The following PRDM5 variants were observed in gnomAD, a reference collection of about 807,000 sequenced individuals.
PRDM5 encodes the protein PR domain zinc finger protein 5.
PRDM5 carries 56 observed loss-of-function variants against 81.2 expected under a neutral mutation model. The observed-to-expected ratio is 0.69, with a 90% CI of 0.56 to 0.86. The LOEUF is 0.86. Ranked by LOEUF, PRDM5 falls within the 40% of genes least tolerant of loss-of-function variation. The pLI is 0.00. For synonymous variants in PRDM5, 267 were observed against 256.4 expected (o/e 1.04, Z -0.39); for missense variants, 697 against 770.1 (o/e 0.91, Z 1.12).
chr4:120,807,352 C>T (rs775960244), intron 8 of PRDM5, among the ~76,000 whole-genome samples: 5 of 152,206 alleles, frequency 3.3e-5, no homozygotes, highest in African/African-American at 7.2e-5. Flanking sequence ...TGGGTATATA[C>T]CATTACTGGG....
At chr4:120,849,172 A>G (rs1758980691) in intron 3 of PRDM5, among the ~76,000 whole-genome samples, 1 of 152,160 alleles carries the variant, frequency 6.6e-6, no homozygotes, top group Non-Finnish European at 1.5e-5. Flanking sequence ...TGTTACTCCT[A>G]TGGATCTTGG....
At chr4:120,775,263 C>A (rs1481337349) in intron 13 of PRDM5, among the ~76,000 whole-genome samples, 1 of 151,934 alleles carries the variant, frequency 6.6e-6, no homozygotes, top group African/African-American at 2.4e-5. Flanking sequence ...AAAACCATGA[C>A]ATATATTTAA....
chr4:120,737,403 G>A (rs1741276808), intron 14 of PRDM5, among the ~76,000 whole-genome samples: 1 of 152,158 alleles, frequency 6.6e-6, no homozygotes, highest in African/African-American at 2.4e-5. Context: ...AACAAGGAAG[G>A]GCAACTGAGA....
At chr4:120,840,215 G>A (rs774438225) in intron 3 of PRDM5, among the ~76,000 whole-genome samples, 5 of 152,176 alleles carry the variant, frequency 3.3e-5, no homozygotes, top group South Asian at 2.1e-4. Flanking sequence ...GGTTCTCGCC[G>A]GGCTGGGGCC....
At chr4:120,886,758 G>C (rs1763477536) in intron 2 of PRDM5, among the ~76,000 whole-genome samples, 1 of 152,024 alleles carries the variant, frequency 6.6e-6, no homozygotes, top group East Asian at 1.9e-4. Flanking sequence ...AAGACCTGGG[G>C]AGTAAAGATA....
At chr4:120,862,133 G>C (rs576851509) in intron 2 of PRDM5, among the ~76,000 whole-genome samples, 3 of 152,218 alleles carry the variant, frequency 2.0e-5, no homozygotes, top group Admixed American at 2.0e-4. Context: ...AGTTACTAAG[G>C]TAATTCTCAT....
At chr4:120,856,089 C>A (rs1426433765) in intron 2 of PRDM5, among the ~76,000 whole-genome samples, 1 of 152,144 alleles carries the variant, frequency 6.6e-6, no homozygotes, top group Non-Finnish European at 1.5e-5. Context: ...TTTTCCCAGG[C>A]CCTTTAGCCC....
chr4:120,853,381 A>G, intron 3 of PRDM5, 37 bp downstream of exon 3: 1 of 1,613,332 alleles, frequency 6.2e-7, no homozygotes, highest in Non-Finnish European at 8.5e-7. Flanking sequence ...ATCCCCCCTC[A>G]CAGTGCATAG....
chr4:120,722,505 G>A (rs1362799043), intron 14 of PRDM5, among the ~76,000 whole-genome samples: 1 of 151,888 alleles, frequency 6.6e-6, no homozygotes, highest in African/African-American at 2.4e-5. Flanking sequence ...CCTTGATCAG[G>A]CTAAGCCTTG....
intron 15 of PRDM5, among the ~76,000 whole-genome samples, chr4:120,701,435 G>T (rs1469245122): frequency 6.6e-6 from 1 of 152,138 alleles, no homozygotes; most frequent in Non-Finnish European, 1.5e-5. Flanking sequence ...CAACCTAGGT[G>T]CCATGAACAG....
chr4:120,754,415 C>T (rs190217104), intron 14 of PRDM5, 138 bp downstream of exon 14: 6 of 518,020 alleles, frequency 1.2e-5, no homozygotes, highest in Admixed American at 3.6e-5. Flanking sequence ...AAAAAATTAT[C>T]CTGAAATATC....
At chr4:120,726,234 G>A (rs1739390063) in intron 14 of PRDM5, among the ~76,000 whole-genome samples, 1 of 152,210 alleles carries the variant, frequency 6.6e-6, no homozygotes, top group South Asian at 2.1e-4. Context: ...CTTATAAGCT[G>A]TCTAGGTTAC....
rs963192312 is a variant in PRDM5 at position 120,770,919 on chromosome 4, A to G, written c.1537+6269T>C. Among the ~76,000 whole-genome samples the G allele has an allele frequency of 2.3e-5, 3 of 128,500 alleles. No homozygotes were observed. The Admixed American group carries it at 2.4e-4, about 10-fold the overall frequency. The allele number at this position is 128,500 out of a possible 152,430, so 84.3% of individuals were successfully genotyped here. ...TTAAAACCAAACATATTTATAACAT[A>G]TAGAAATAAAAGCAGTTAATAATTT... On this transcript the variant is annotated intron_variant, in intron 13 of 15. Coordinates refer to ENST00000264808, the MANE Select transcript of PRDM5 (RefSeq NM_018699.4).
rs200986766 is a variant in PRDM5, at chr4:120,695,135, A to G, written c.1869T>C (p.Asn623=). Residue 623 remains asparagine, a synonymous_variant, in exon 16 of 16, where the codon AAT becomes AAC. Transcript: ENST00000264808. ...RNDYLKVHMD[N]IHGVADS is the part of the protein sequence containing the mutation. The stretch of plus-strand genomic sequence containing the variant: ...ATTAGCTGTCAGCTACACCATGGAT[A>G]TTGTCCATGTGCACTTTGAGGTAGT... 1.2e-5 allele frequency: 19 copies of G among 1,613,178 alleles called. No individual in the cohort carries two copies. Among genetic ancestry groups the G allele is most frequent in the Non-Finnish European group, 1.7e-6 (2 of 1,179,392 alleles).
intron 13 of PRDM5, chr4:120,762,806 C>T (rs1265338508): frequency 6.6e-6 from 1 of 152,092 alleles, no homozygotes; most frequent in Non-Finnish European, 1.5e-5. Flanking sequence ...TGGAATGTTC[C>T]CATTAATCAA....
chr4:120,899,626 G>C (rs536545567), intron 2 of PRDM5, among the ~76,000 whole-genome samples: 1 of 152,138 alleles, frequency 6.6e-6, no homozygotes, highest in South Asian at 2.1e-4. Flanking sequence ...CATGTGGTAG[G>C]GTTTCCCCCA....
chr4:120,865,462 T>C (rs536144299), intron 2 of PRDM5, among the ~76,000 whole-genome samples: 1 of 152,200 alleles, frequency 6.6e-6, no homozygotes, highest in Non-Finnish European at 1.5e-5. Flanking sequence ...TGTTCTCCTG[T>C]AGGATAATCT....
chr4:120,893,059 C>T (rs573883384), intron 2 of PRDM5, among the ~76,000 whole-genome samples: 2 of 152,260 alleles, frequency 1.3e-5, no homozygotes, highest in South Asian at 4.1e-4. Flanking sequence ...CTCCAGGACC[C>T]GAGGTTTATT....
intron 14 of PRDM5, among the ~76,000 whole-genome samples, chr4:120,727,298 T>TAA (rs1739563960): frequency 9.5e-6 from 1 of 104,982 alleles, no homozygotes; most frequent in Non-Finnish European, 2.2e-5. Context: ...AAGATGTATG[T>TAA]ATATATGTGT....
Sources: gnomAD v4.1 joint callset for allele counts (sites outside exome capture counted in the v4.1 genomes callset) on GRCh38, gnomAD v4.1.1 for gene constraint, MANE v1.5 for transcripts, NCBI Gene and HGNC (gene_info 2026-07-23, HGNC 2026-07-21) for gene names.